Variants in NCKAP5 observed in about 807,000 individuals in gnomAD.
NCKAP5 encodes the protein nck-associated protein 5.
A neutral mutation model predicts 167.0 loss-of-function variants in NCKAP5; 92 were observed. That is an observed-to-expected ratio of 0.55 (90% confidence interval 0.47 to 0.66). The LOEUF (loss-of-function observed/expected upper bound fraction) is 0.66, where lower values mean the gene tolerates loss of function less well. Among genes scored for constraint, NCKAP5 ranks in the 30% least tolerant of loss-of-function variants. The pLI, the probability that NCKAP5 is intolerant of heterozygous loss-of-function variation, is 0.00. For synonymous variants in NCKAP5, 891 were observed against 877.4 expected (o/e 1.02, Z -0.27); for missense variants, 2,378 against 2,315.0 (o/e 1.03, Z -0.56).
At chr2:132,772,211 T>C (rs1682136571) in intron 16 of NCKAP5, among the ~76,000 whole-genome samples, 1 of 152,172 alleles carries the variant, frequency 6.6e-6, no homozygotes, top group East Asian at 1.9e-4. Flanking sequence ...TGCACAACCT[T>C]GAAATTGCCG....
intron 8 of NCKAP5, among the ~76,000 whole-genome samples, chr2:132,885,730 C>A (rs114212224): frequency 6.6e-6 from 1 of 152,164 alleles, no homozygotes; most frequent in Non-Finnish European, 1.5e-5. Flanking sequence ...CTGGAACTTA[C>A]GAATGATTGA....
chr2:133,623,731 T>C, the NCKAP5 span, among the ~76,000 whole-genome samples: 1 of 152,236 alleles, frequency 6.6e-6, no homozygotes, highest in South Asian at 2.1e-4. Flanking sequence ...TGGAAAACAG[T>C]GTGGAGATTC....
intron 6 of NCKAP5, among the ~76,000 whole-genome samples, chr2:133,077,248 T>C (rs1368424222): frequency 6.6e-6 from 1 of 152,200 alleles, no homozygotes; most frequent in Non-Finnish European, 1.5e-5. Flanking sequence ...AAGCACATCA[T>C]ATCTCAAAAT....
chr2:132,903,912 T>G (rs900651325), intron 8 of NCKAP5, among the ~76,000 whole-genome samples: 1 of 152,194 alleles, frequency 6.6e-6, no homozygotes, highest in African/African-American at 2.4e-5. Context: ...GTATAAAATA[T>G]ACATTGTATA....
intron 7 of NCKAP5, among the ~76,000 whole-genome samples, chr2:132,973,469 T>C (rs1430542546): frequency 1.3e-5 from 2 of 152,156 alleles, no homozygotes; most frequent in Non-Finnish European, 2.9e-5. Flanking sequence ...TGTCCCTCAA[T>C]TTCTTCATCC....
chr2:133,033,499 C>T (rs780221107), intron 6 of NCKAP5, among the ~76,000 whole-genome samples: 3 of 152,158 alleles, frequency 2.0e-5, no homozygotes, highest in Non-Finnish European at 2.9e-5. Flanking sequence ...AGCATGACCT[C>T]ACCAAATGAA....
the NCKAP5 span, among the ~76,000 whole-genome samples, chr2:133,670,761 A>G: frequency 1.3e-5 from 2 of 152,302 alleles, no homozygotes; most frequent in Admixed American, 1.3e-4. Flanking sequence ...GTTGCTATTC[A>G]TATTTCATCC....
chr2:132,887,796 G>A (rs62178884), intron 8 of NCKAP5, among the ~76,000 whole-genome samples: 48,042 of 151,940 alleles, frequency 0.32, 7,878 homozygotes, highest in Non-Finnish European at 0.36. Context: ...GCAGGCATGT[G>A]CCAACATACT....
At chr2:133,030,471 A>G (rs2078844433) in intron 6 of NCKAP5, among the ~76,000 whole-genome samples, 1 of 152,120 alleles carries the variant, frequency 6.6e-6, no homozygotes, top group Non-Finnish European at 1.5e-5. Context: ...AACTTTATAG[A>G]TATCTCCATA....
the NCKAP5 span, among the ~76,000 whole-genome samples, chr2:133,587,869 A>T: frequency 6.6e-6 from 1 of 152,336 alleles, no homozygotes; most frequent in Admixed American, 6.5e-5. Context: ...TGAGTGGATC[A>T]GTGAATTCAC....
At chr2:132,992,569 G>C (rs77832466) in intron 7 of NCKAP5, among the ~76,000 whole-genome samples, 24 of 152,296 alleles carry the variant, frequency 1.6e-4, no homozygotes, top group Non-Finnish European at 2.8e-4. Flanking sequence ...ACCCTTTCAG[G>C]CTGCATCGAA....
chr2:133,149,906 G>A (rs1385468054), intron 5 of NCKAP5, among the ~76,000 whole-genome samples: 1 of 152,076 alleles, frequency 6.6e-6, no homozygotes, highest in Non-Finnish European at 1.5e-5. Context: ...CAATGACTGA[G>A]CATTTGCTGT....
chr2:133,278,341 C>T (rs975921686), intron 4 of NCKAP5, among the ~76,000 whole-genome samples: 6 of 152,180 alleles, frequency 3.9e-5, no homozygotes, highest in African/African-American at 1.4e-4. Context: ...GAACTCATTT[C>T]TTTGCCTTTC....
intron 8 of NCKAP5, among the ~76,000 whole-genome samples, chr2:132,951,156 T>C (rs2076175761): frequency 6.6e-6 from 1 of 152,180 alleles, no homozygotes; most frequent in South Asian, 2.1e-4. Context: ...AGCTGTATCT[T>C]CTTTAGAAAC....
At chr2:133,517,048 A>G (rs1477382792) in intron 3 of NCKAP5, among the ~76,000 whole-genome samples, 3 of 152,224 alleles carry the variant, frequency 2.0e-5, no homozygotes, top group Non-Finnish European at 2.9e-5. Flanking sequence ...AAGGTCTCCA[A>G]GACTTCCTCT....
intron 6 of NCKAP5, among the ~76,000 whole-genome samples, chr2:133,015,636 T>A (rs938755142): frequency 2.0e-5 from 3 of 152,204 alleles, no homozygotes; most frequent in African/African-American, 7.2e-5. Flanking sequence ...TGTATTTCCA[T>A]CCAAACACAA....
intron 8 of NCKAP5, among the ~76,000 whole-genome samples, chr2:132,887,536 C>T (rs907770754): frequency 1.3e-5 from 2 of 152,178 alleles, no homozygotes; most frequent in Non-Finnish European, 2.9e-5. Flanking sequence ...CCTTATATGT[C>T]TGCTTCTCCA....
chr2:133,160,433 CTTTTTCTT>C (rs2083746741), intron 5 of NCKAP5, among the ~76,000 whole-genome samples: 1 of 100,864 alleles, frequency 9.9e-6, no homozygotes, highest in Non-Finnish European at 2.0e-5. Context: ...CTTTTCCTTT[CTTTTTCTT>C]TTTTTTTTTT....
At chr2:132,683,842 T>C (rs1289286450) in intron 19 of NCKAP5, among the ~76,000 whole-genome samples, 1 of 152,180 alleles carries the variant, frequency 6.6e-6, no homozygotes, top group Non-Finnish European at 1.5e-5. Context: ...ATCATGCTGA[T>C]GACATTCTTA....
Sources: gnomAD v4.1 joint callset for allele counts (sites outside exome capture counted in the v4.1 genomes callset) on GRCh38, gnomAD v4.1.1 for gene constraint, MANE v1.5 for transcripts, NCBI Gene and HGNC (gene_info 2026-07-23, HGNC 2026-07-21) for gene names.